AFAP1: variants seen among roughly 807,000 people sequenced by gnomAD.
AFAP1 encodes the protein actin filament-associated protein 1.
In AFAP1, 75 loss-of-function variants were observed where a neutral mutation model predicts 93.9. The ratio of observed to expected loss-of-function variants is 0.80; its 90% confidence interval spans 0.66 to 0.97. AFAP1 has a LOEUF of 0.97. Ranked by LOEUF, AFAP1 falls within the 50% of genes least tolerant of loss-of-function variation. The probability of loss-of-function intolerance (pLI) is 0.00; values close to 1 mark genes in which losing one functional copy is unlikely to be tolerated. For synonymous variants in AFAP1, 517 were observed against 430.7 expected, an observed-to-expected ratio of 1.20 and a Z score of -2.48; for missense variants, 1,201 against 1,050.8, an observed-to-expected ratio of 1.14 and a Z score of -1.98.
Position 7,763,609 on chromosome 4 carries a change from G to C in AFAP1, c.*156C>G. On this transcript the variant is annotated 3_prime_UTR_variant, in exon 18 of 18. Transcript: ENST00000420658. ...TTTTACAGTAGAAAGAATACAAGTG[G>C]GCCTGGGGGACAGGCACTGGCCTCA... 1 of 722,404 alleles carries C rather than the reference G, an allele frequency of 1.4e-6. No individual in the cohort carries two copies. The highest frequency in any genetic ancestry group is 2.2e-6 in the Non-Finnish European group (1 of 449,168). 44.7% of individuals were successfully genotyped at this position (722,404 alleles called of 1,614,324 possible).
intron 1 of AFAP1, among the ~76,000 whole-genome samples, chr4:7,937,750 G>C (rs1342033879): frequency 1.3e-5 from 2 of 152,194 alleles, no homozygotes; most frequent in Admixed American, 6.5e-5. Context: ...ACCTCCCAAA[G>C]TTCTGGGATT....
intron 1 of AFAP1, among the ~76,000 whole-genome samples, chr4:7,884,106 C>A (rs1227652466): frequency 6.6e-6 from 1 of 152,038 alleles, no homozygotes; most frequent in African/African-American, 2.4e-5. Context: ...AAGTGTGGGG[C>A]AACTCCCCCA....
intron 6 of AFAP1, among the ~76,000 whole-genome samples, chr4:7,821,060 G>A (rs905674275): frequency 6.6e-6 from 1 of 152,204 alleles, no homozygotes; most frequent in African/African-American, 2.4e-5. Context: ...AGAGGTTGCG[G>A]TGAGCCGAGA....
intron 4 of AFAP1, among the ~76,000 whole-genome samples, chr4:7,844,497 C>T (rs1440752844): frequency 1.3e-5 from 2 of 152,170 alleles, no homozygotes; most frequent in Non-Finnish European, 2.9e-5. Context: ...AAATGCCCTT[C>T]CTCTGAGCCT....
At chr4:7,768,637 A>C (rs1714960420) in intron 17 of AFAP1, among the ~76,000 whole-genome samples, 1 of 152,124 alleles carries the variant, frequency 6.6e-6, no homozygotes, top group African/African-American at 2.4e-5. Flanking sequence ...CCTTCCAGTC[A>C]CTGTTCACCT....
intron 1 of AFAP1, among the ~76,000 whole-genome samples, chr4:7,879,981 C>T (rs1446420329): frequency 6.6e-6 from 1 of 151,946 alleles, no homozygotes; most frequent in African/African-American, 2.4e-5. Flanking sequence ...CTTTCTTTCA[C>T]TCAAGTGGTA....
chr4:7,882,985 G>T (rs1329685407), intron 1 of AFAP1, among the ~76,000 whole-genome samples: 1 of 151,980 alleles, frequency 6.6e-6, no homozygotes, highest in African/African-American at 2.4e-5. Context: ...GCGAGTTTGA[G>T]ACCAGCCCAG....
chr4:7,810,790 C>T (rs116447324), intron 8 of AFAP1, among the ~76,000 whole-genome samples: 383 of 152,336 alleles, frequency 2.5e-3, no homozygotes, highest in Non-Finnish European at 4.2e-3. Context: ...TCCATGCAGA[C>T]GGGCCGGTGA....
intron 1 of AFAP1, among the ~76,000 whole-genome samples, chr4:7,930,608 C>T (rs1025927936): frequency 2.0e-4 from 30 of 152,298 alleles, no homozygotes; most frequent in African/African-American, 6.0e-4. Context: ...GTCTTAGAAG[C>T]TCTTGTGTCA....
chr4:7,928,481 G>A lies in AFAP1; in HGVS notation c.-3+11175C>T, dbSNP rs534578651. On this transcript the variant is annotated intron_variant, in intron 1 of 17. Transcript: ENST00000420658. ...CGGCTCACTGCAACCTCCGCCTCCC[G>A]GGTTCAAGCGATTCTCCTGCTTCAG... Among the ~76,000 whole-genome samples the A allele has an allele frequency of 5.0e-3, 759 of 152,100 alleles. 1 individual carries two copies. Among genetic ancestry groups the A allele is most frequent in the Non-Finnish European group, 8.4e-3 (572 of 68,002 alleles).
At chr4:7,787,538 G>C (rs545020117) in intron 11 of AFAP1, among the ~76,000 whole-genome samples, 106 of 152,284 alleles carry the variant, frequency 7.0e-4, no homozygotes, top group Middle Eastern at 3.4e-3. Context: ...GCCTGACGCT[G>C]CCTCCCGGAA....
chr4:7,770,323 G>C (rs1224657344), intron 16 of AFAP1, among the ~76,000 whole-genome samples: 8 of 152,208 alleles, frequency 5.3e-5, no homozygotes, highest in African/African-American at 1.9e-4. Flanking sequence ...ATAGAAGAGA[G>C]TGGGCAGCTG....
intron 17 of AFAP1, among the ~76,000 whole-genome samples, chr4:7,768,369 A>G (rs2148948816): frequency 6.6e-6 from 1 of 152,380 alleles, no homozygotes; most frequent in East Asian, 1.9e-4. Context: ...GGGAGTAAAC[A>G]GGTTCCTCCG....
At chr4:7,905,718 G>A (rs572768752) in intron 1 of AFAP1, among the ~76,000 whole-genome samples, 1 of 152,332 alleles carries the variant, frequency 6.6e-6, no homozygotes, top group East Asian at 1.9e-4. Flanking sequence ...AGGGAACACA[G>A]ATGACCGCAG....
rs957514145 is a variant in AFAP1, at chr4:7,833,880, G to A, written c.726+4644C>T. On this transcript the variant is annotated intron_variant, in intron 6 of 17. Transcript: ENST00000420658. The stretch of plus-strand genomic sequence containing the variant: ...TGGGATTACAGGCACAAGCCACTGC[G>A]CCCGACCTGGAGGTTTCTTAAAATA... Among the ~76,000 whole-genome samples the A allele has an allele frequency of 3.9e-5, 6 of 151,986 alleles. No homozygotes were observed. In the East Asian group the frequency reaches 7.7e-4, roughly 20 times the overall value.
intron 1 of AFAP1, among the ~76,000 whole-genome samples, chr4:7,875,208 G>A (rs546317869): frequency 6.6e-6 from 1 of 152,288 alleles, no homozygotes. Flanking sequence ...CTACTATTCT[G>A]TAAGTCTACA....
intron 6 of AFAP1, among the ~76,000 whole-genome samples, chr4:7,832,179 T>G (rs979142351): frequency 6.6e-6 from 1 of 152,212 alleles, no homozygotes; most frequent in African/African-American, 2.4e-5. Flanking sequence ...GTATAACATA[T>G]TAAAGTTCCA....
At chr4:7,805,933 G>A (rs2149042814) in intron 9 of AFAP1, among the ~76,000 whole-genome samples, 1 of 152,306 alleles carries the variant, frequency 6.6e-6, no homozygotes, top group East Asian at 1.9e-4. Context: ...GGAGGGGGAA[G>A]CAGAGTAGAA....
intron 12 of AFAP1, among the ~76,000 whole-genome samples, chr4:7,785,878 A>G (rs1717210267): frequency 6.6e-6 from 1 of 152,158 alleles, no homozygotes; most frequent in Non-Finnish European, 1.5e-5. Flanking sequence ...GTTGAGCTAT[A>G]GTGAGTTGTG....
Sources: allele counts gnomAD v4.1 joint callset (sites outside exome capture counted in the v4.1 genomes callset), GRCh38; gene constraint gnomAD v4.1.1; transcripts MANE v1.5; gene names NCBI Gene and HGNC (gene_info 2026-07-23, HGNC 2026-07-21).